The following STON2 variants were observed in gnomAD, a reference collection of about 807,000 sequenced individuals.
STON2 encodes stonin-2.
STON2 carries 29 observed loss-of-function variants against 65.7 expected under a neutral mutation model. The observed-to-expected ratio is 0.44, with a 90% CI of 0.33 to 0.60. The LOEUF (loss-of-function observed/expected upper bound fraction) is 0.60. STON2 is among the 20% of genes least tolerant of loss of function. STON2 has a pLI of 0.03. For synonymous variants in STON2, 404 were observed against 414.2 expected (o/e 0.98, Z 0.30); for missense variants, 1,054 against 1,118.1 (o/e 0.94, Z 0.82).
intron 1 of STON2, chr14:81,427,445 T>C (rs1387321414): frequency 6.6e-6 from 1 of 152,220 alleles, no homozygotes; most frequent in Non-Finnish European, 1.5e-5. Context: ...CAAACAACTC[T>C]GACTCCTTGG....
chr14:81,309,803 C>T (rs888109781), intron 5 of STON2, among the ~76,000 whole-genome samples: 3 of 152,156 alleles, frequency 2.0e-5, no homozygotes, highest in Admixed American at 1.3e-4. Context: ...TTAGGGATAA[C>T]GTACCAAAGA....
intron 3 of STON2, among the ~76,000 whole-genome samples, chr14:81,381,731 T>G (rs931949933): frequency 6.6e-6 from 1 of 152,206 alleles, no homozygotes; most frequent in Non-Finnish European, 1.5e-5. Context: ...GGTAGGATAG[T>G]AACTAGAAAC....
chr14:81,419,194 G>A (rs112817404), intron 2 of STON2, among the ~76,000 whole-genome samples: 8 of 152,106 alleles, frequency 5.3e-5, no homozygotes, highest in African/African-American at 1.9e-4. Context: ...ACTATGTTGA[G>A]GCCTACAAAT....
At position 81,264,752 on chromosome 14, in the gene STON2, G is replaced by T. The variant is rs1260992727; in HGVS notation, c.*3662C>A. ...AAGGGAAGAGCCAAATAGAAAAAAT[G>T]AAACTGTCCAGATAATATTTAATAT... On this transcript the variant is annotated 3_prime_UTR_variant, in exon 8 of 8. Coordinates refer to ENST00000614646, the MANE Select transcript of STON2 (RefSeq NM_001394390.1). 1.0e-6 allele frequency: 1 copy of T among 985,268 alleles called. No individual in the cohort carries two copies. Among genetic ancestry groups the T allele is most frequent in the East Asian group, 1.1e-4 (1 of 8,830 alleles). 61.0% of individuals were successfully genotyped at this position (985,268 alleles called of 1,614,324 possible).
intron 2 of STON2, among the ~76,000 whole-genome samples, chr14:81,425,166 A>G (rs938746738): frequency 1.3e-5 from 2 of 152,238 alleles, no homozygotes; most frequent in African/African-American, 4.8e-5. Flanking sequence ...GTTCTTATTT[A>G]GCTTTGAGAG....
chr14:81,299,844 C>T (rs1895900537), intron 5 of STON2, among the ~76,000 whole-genome samples: 1 of 150,944 alleles, frequency 6.6e-6, no homozygotes, highest in South Asian at 2.1e-4. Flanking sequence ...ATTTCATGTT[C>T]ATGGATTTGA....
intron 4 of STON2, among the ~76,000 whole-genome samples, chr14:81,363,717 A>C (rs1898599377): frequency 6.6e-6 from 1 of 152,230 alleles, no homozygotes; most frequent in East Asian, 1.9e-4. Flanking sequence ...TGTAACTAGG[A>C]GAAAGAATTT....
At chr14:81,412,868 G>A in intron 2 of STON2, 1 of 533,064 alleles carries the variant, frequency 1.9e-6, no homozygotes, top group Admixed American at 3.6e-5. Context: ...TCTTCTTAGA[G>A]GCGCCACGGC....
At chr14:81,426,464 C>A (rs1901979771) in intron 2 of STON2, among the ~76,000 whole-genome samples, 1 of 152,132 alleles carries the variant, frequency 6.6e-6, no homozygotes. Flanking sequence ...CATCTATAAG[C>A]TAGGGACCCC....
intron 5 of STON2, among the ~76,000 whole-genome samples, chr14:81,303,075 T>TGTGTGC (rs1472067674): frequency 6.6e-6 from 1 of 151,694 alleles, no homozygotes; most frequent in African/African-American, 2.4e-5. Context: ...TGTGTGTGTG[T>TGTGTGC]GTGTGTGTGT....
chr14:81,289,464 G>A (rs749531640), intron 5 of STON2, among the ~76,000 whole-genome samples: 25 of 152,116 alleles, frequency 1.6e-4, no homozygotes, highest in Admixed American at 1.0e-3. Flanking sequence ...CTGAAAGGTC[G>A]GAAGGTTCTG....
At chr14:81,394,686 C>T (rs961179977) in intron 3 of STON2, among the ~76,000 whole-genome samples, 1 of 152,034 alleles carries the variant, frequency 6.6e-6, no homozygotes, top group Non-Finnish European at 1.5e-5. Context: ...AGAAGAAAGG[C>T]ACAAAGAGAT....
chr14:81,434,428 T>C (rs1003515723), intron 1 of STON2, among the ~76,000 whole-genome samples: 2 of 152,200 alleles, frequency 1.3e-5, no homozygotes, highest in African/African-American at 4.8e-5. Flanking sequence ...AGGGCTGCCA[T>C]GCTAATCTGA....
At chr14:81,353,412 A>G (rs1244738285) in intron 4 of STON2, among the ~76,000 whole-genome samples, 1 of 152,138 alleles carries the variant, frequency 6.6e-6, no homozygotes, top group East Asian at 1.9e-4. Flanking sequence ...TCCCAGCTTC[A>G]CCACCCCCAA....
At chr14:81,278,803 G>T in intron 5 of STON2, 64 bp from the exon 6 acceptor site, 1 of 1,291,222 alleles carries the variant, frequency 7.7e-7, no homozygotes, top group Non-Finnish European at 1.0e-6. Context: ...GAAAACTGAA[G>T]TATAGGAATG....
intron 3 of STON2, among the ~76,000 whole-genome samples, chr14:81,378,873 T>G (rs1228697696): frequency 1.3e-5 from 2 of 152,134 alleles, no homozygotes; most frequent in East Asian, 1.9e-4. Flanking sequence ...AAAATAAATT[T>G]TAGTCTTTAT....
At chr14:81,405,885 G>A (rs961219749) in intron 2 of STON2, among the ~76,000 whole-genome samples, 1 of 152,138 alleles carries the variant, frequency 6.6e-6, no homozygotes, top group African/African-American at 2.4e-5. Context: ...GACTGGGAGA[G>A]GCAGACTCAC....
At chr14:81,379,486 C>A (rs1899411841) in intron 3 of STON2, among the ~76,000 whole-genome samples, 1 of 152,104 alleles carries the variant, frequency 6.6e-6, no homozygotes, top group Non-Finnish European at 1.5e-5. Flanking sequence ...TGTTAATTCT[C>A]CCCAAACTGG....
upstream of STON2, among the ~76,000 whole-genome samples, chr14:81,402,605 C>G (rs1900660397): frequency 6.6e-6 from 1 of 152,112 alleles, no homozygotes; most frequent in African/African-American, 2.4e-5. Context: ...AATGGTATGT[C>G]TAGCCCACAG....
Sources: gnomAD v4.1 joint callset for allele counts (sites outside exome capture counted in the v4.1 genomes callset) on GRCh38, gnomAD v4.1.1 for gene constraint, MANE v1.5 for transcripts, NCBI Gene and HGNC (gene_info 2026-07-23, HGNC 2026-07-21) for gene names.